Variants in RASAL2 observed in about 807,000 individuals in gnomAD.
RASAL2 encodes ras GTPase-activating protein nGAP.
A neutral mutation model predicts 128.9 loss-of-function variants in RASAL2; 58 were observed. The observed-to-expected ratio is 0.45, with a 90% CI of 0.36 to 0.56. RASAL2 has a LOEUF of 0.56. Ranked by LOEUF, RASAL2 falls within the 20% of genes least tolerant of loss-of-function variation. RASAL2 has a pLI of 0.00. For synonymous variants in RASAL2, 561 were observed against 580.8 expected, an observed-to-expected ratio of 0.97 and a Z score of 0.49; for missense variants, 1,360 against 1,601.6, an observed-to-expected ratio of 0.85 and a Z score of 2.57.
At chr1:178,222,601 ATTAT>A (rs1663651166) in intron 1 of RASAL2, among the ~76,000 whole-genome samples, 1 of 152,070 alleles carries the variant, frequency 6.6e-6, no homozygotes, top group Admixed American at 6.6e-5. Flanking sequence ...CGATTGCCTG[ATTAT>A]TTATCAGATG....
chr1:178,174,392 G>C (rs577783843), intron 1 of RASAL2, among the ~76,000 whole-genome samples: 1 of 151,816 alleles, frequency 6.6e-6, no homozygotes, highest in African/African-American at 2.4e-5. Flanking sequence ...ATGGTAATAC[G>C]GTTTCCACTC....
At position 178,264,337 on chromosome 1, in the gene RASAL2, G is replaced by A. The variant is rs534918898; in HGVS notation, c.203-19227G>A. 2.7e-4 allele frequency among the ~76,000 whole-genome samples: 41 copies of A among 152,150 alleles called. 1 individual carries two copies. The South Asian group carries it at 7.5e-3, about 28-fold the overall frequency. On this transcript the variant is annotated intron_variant, in intron 1 of 17. Coordinates refer to ENST00000367649, the MANE Select transcript of RASAL2 (RefSeq NM_170692.4). ...TTAAATAACTCATGTATTCACGTAC[G>A]CATACATGAAACCAAGATAGACTTA...
intron 3 of RASAL2, among the ~76,000 whole-genome samples, chr1:178,373,628 C>G (rs1671841720): frequency 6.6e-6 from 1 of 151,930 alleles, no homozygotes; most frequent in African/African-American, 2.4e-5. Context: ...CTCTGGCATA[C>G]CTTTATGAAT....
At chr1:178,283,713 A>G in intron 2 of RASAL2, 22 bp downstream of exon 2, 1 of 1,607,268 alleles carries the variant, frequency 6.2e-7, no homozygotes, top group East Asian at 2.2e-5. Flanking sequence ...ATTATTCAGG[A>G]AAGTTAGTTT....
chr1:178,335,936 A>C (rs971970097), intron 3 of RASAL2, among the ~76,000 whole-genome samples: 4 of 151,674 alleles, frequency 2.6e-5, no homozygotes, highest in Non-Finnish European at 5.9e-5. Flanking sequence ...AAAAAAACCC[A>C]AAATGCCAAT....
Position 178,311,666 on chromosome 1 carries a change from C to T in RASAL2, c.457+11548C>T, listed in dbSNP as rs547154470. Among the ~76,000 whole-genome samples the T allele has an allele frequency of 2.6e-5, 4 of 152,224 alleles. No homozygotes were observed. In the South Asian group the frequency reaches 8.3e-4, roughly 32 times the overall value. ...CACGCTGAATGATGGGACTCCTCCACCTTTCTTCTCTCACTTGCCTTTACC... is the reference window on the plus strand; with the variant it reads ...CACGCTGAATGATGGGACTCCTCCATCTTTCTTCTCTCACTTGCCTTTACC... On this transcript the variant is annotated intron_variant, in intron 3 of 17. Coordinates refer to ENST00000367649, the MANE Select transcript of RASAL2 (RefSeq NM_170692.4).
intron 5 of RASAL2, 58 bp downstream of exon 5, chr1:178,420,678 G>T: frequency 7.7e-7 from 1 of 1,298,310 alleles, no homozygotes; most frequent in Middle Eastern, 1.9e-4. Flanking sequence ...TTTTGTTAAG[G>T]CATTTTGGTC....
chr1:178,408,159 T>G (rs911126813), intron 4 of RASAL2, among the ~76,000 whole-genome samples: 1 of 152,254 alleles, frequency 6.6e-6, no homozygotes, highest in Non-Finnish European at 1.5e-5. Flanking sequence ...TTTTTAAGAC[T>G]TGTAAATGGT....
chr1:178,358,237 T>TAAAAAAAAAAAAAAAAAAAA, intron 3 of RASAL2, among the ~76,000 whole-genome samples: 1 of 34,770 alleles, frequency 2.9e-5, no homozygotes, highest in Non-Finnish European at 7.3e-5. Context: ...CTCTGTCTCC[T>TAAAAAAAAAAAAAAAAAAAA]AAAAAAAAAA....
chr1:178,242,462 TC>T (rs1272697582), intron 1 of RASAL2, among the ~76,000 whole-genome samples: 11 of 120,122 alleles, frequency 9.2e-5, no homozygotes, highest in African/African-American at 3.1e-4. Flanking sequence ...TCTCTCTCTC[TC>T]TCTCTCTCTC....
At chr1:178,395,524 T>C (rs1188054305) in intron 4 of RASAL2, among the ~76,000 whole-genome samples, 1 of 152,116 alleles carries the variant, frequency 6.6e-6, no homozygotes, top group Admixed American at 6.5e-5. Flanking sequence ...GCTTTACCTT[T>C]GACCAGCCTA....
rs114025900 is a variant in RASAL2 at position 178,183,869 on chromosome 1, T to C, written c.202+89175T>C. On this transcript the variant is annotated intron_variant, in intron 1 of 17. Transcript: ENST00000367649. Reference sequence around the variant, plus strand: ...TATGTAGTAAGACTGTGTTTAACTTTTTCTGAAATTGCCAAACTGTACTCC... The same window carrying C: ...TATGTAGTAAGACTGTGTTTAACTTCTTCTGAAATTGCCAAACTGTACTCC... Among the ~76,000 whole-genome samples, 401 of 152,330 alleles carry C rather than the reference T, an allele frequency of 2.6e-3. 2 individuals carry two copies. The highest frequency in any genetic ancestry group is 4.6e-3 in the Non-Finnish European group (315 of 68,022).
Position 178,454,636 on chromosome 1 carries a change from C to G in RASAL2, c.2199C>G (p.Ser733=). The stretch of plus-strand genomic sequence containing the variant: ...ATTCCTTACTGTGGGAAGTAGTTTC[C>G]CAACTTGATAAGGTAAAGTAGGTTG... ...VLHSLLWEVV[S]QLDKATVAKL... Residue 733 remains serine (S), a synonymous_variant, in exon 12 of 18, where the codon TCC becomes TCG. Coordinates refer to ENST00000367649, the MANE Select transcript of RASAL2 (RefSeq NM_170692.4). 3.7e-6 allele frequency: 6 copies of G among 1,613,454 alleles called. No individual in the cohort carries two copies. Among genetic ancestry groups the G allele is most frequent in the Non-Finnish European group, 4.2e-6 (5 of 1,179,560 alleles).
chr1:178,269,588 A>C (rs1221916883), intron 1 of RASAL2, among the ~76,000 whole-genome samples: 3 of 152,160 alleles, frequency 2.0e-5, no homozygotes, highest in Admixed American at 6.5e-5. Context: ...AACCTGCCAA[A>C]ACCAAAATGG....
chr1:178,367,306 C>G (rs999883221), intron 3 of RASAL2, among the ~76,000 whole-genome samples: 1 of 152,098 alleles, frequency 6.6e-6, no homozygotes, highest in Non-Finnish European at 1.5e-5. Context: ...CTAAAACTTA[C>G]CACCTTTAAC....
chr1:178,459,268 A>G (rs1678004679), intron 14 of RASAL2, among the ~76,000 whole-genome samples: 1 of 152,084 alleles, frequency 6.6e-6, no homozygotes, highest in South Asian at 2.1e-4. Context: ...TTCTTCCTTA[A>G]ATATTACATT....
intron 3 of RASAL2, among the ~76,000 whole-genome samples, chr1:178,320,550 G>C (rs1047262655): frequency 5.9e-5 from 9 of 152,222 alleles, no homozygotes; most frequent in African/African-American, 2.2e-4. Context: ...GGAGTGACCT[G>C]ATTTTCCAGG....
At chr1:178,210,512 T>G (rs989344854) in intron 1 of RASAL2, among the ~76,000 whole-genome samples, 5 of 152,202 alleles carry the variant, frequency 3.3e-5, no homozygotes, top group Admixed American at 6.5e-5. Flanking sequence ...TTAAAAGATT[T>G]TTTGTGACTC....
intron 3 of RASAL2, among the ~76,000 whole-genome samples, chr1:178,334,830 C>T (rs1372269744): frequency 1.3e-5 from 2 of 152,042 alleles, no homozygotes; most frequent in African/African-American, 4.8e-5. Flanking sequence ...TGGTGCTGTG[C>T]ACCTGTAGTC....
Sources: gnomAD v4.1 joint callset for allele counts (sites outside exome capture counted in the v4.1 genomes callset) on GRCh38, gnomAD v4.1.1 for gene constraint, MANE v1.5 for transcripts, NCBI Gene and HGNC (gene_info 2026-07-23, HGNC 2026-07-21) for gene names.